The following COX10 variants were observed in gnomAD, a reference collection of about 807,000 sequenced individuals.
COX10 encodes protoheme IX farnesyltransferase, mitochondrial.
In COX10, 27 loss-of-function variants were observed where a neutral mutation model predicts 37.3. The ratio of observed to expected loss-of-function variants is 0.72; its 90% CI spans 0.53 to 1.00. The LOEUF is 1.00. Among genes scored for constraint, COX10 ranks in the 50% least tolerant of loss-of-function variants. The pLI is 0.00. For synonymous variants in COX10, 222 were observed against 229.1 expected, an observed-to-expected ratio of 0.97 and a Z score of 0.28; for missense variants, 475 against 563.2, an observed-to-expected ratio of 0.84 and a Z score of 1.59.
rs1374200240 is a variant in COX10 at position 14,102,174 on chromosome 17, T to TA, written c.556_557insA (p.Trp186Ter). The change falls in exon 4 of 7, where the codon TGG (tryptophan) becomes TAGG (stop). Residue 186 changes from tryptophan to a stop codon, truncating the protein, a stop_gained and frameshift_variant. Coordinates refer to ENST00000261643, the MANE Select transcript of COX10 (RefSeq NM_001303.4). LOFTEE classifies it high-confidence loss of function. Reference sequence around the variant, plus strand: ...TGCATTGGCTCCGGGCCCTTTTGACTGGCCCTGTTTCCTGCTTACTTCTGT... The same window carrying TA: ...TGCATTGGCTCCGGGCCCTTTTGACTAGGCCCTGTTTCCTGCTTACTTCTGT... ...GFALAPGPFD[W>*]PCFLLTSVGT... 1.2e-6 allele frequency: 2 copies of TA among 1,613,798 alleles called. No homozygotes were observed. Among genetic ancestry groups the TA allele is most frequent in the Non-Finnish European group, 1.7e-6 (2 of 1,179,790 alleles).
intron 3 of COX10, among the ~76,000 whole-genome samples, chr17:14,100,381 C>A (rs1218361217): frequency 1.3e-5 from 2 of 152,048 alleles, no homozygotes; most frequent in Non-Finnish European, 2.9e-5. Flanking sequence ...AGCTTATATT[C>A]CAGTGAGGAG....
At chr17:14,173,142 AC>A (rs2142249515) in intron 5 of COX10, among the ~76,000 whole-genome samples, 1 of 152,348 alleles carries the variant, frequency 6.6e-6, no homozygotes, top group African/African-American at 2.4e-5. Context: ...CATTTTCAAT[AC>A]TATATTACAG....
At chr17:14,101,620 C>T (rs941351205) in intron 3 of COX10, among the ~76,000 whole-genome samples, 10 of 152,132 alleles carry the variant, frequency 6.6e-5, no homozygotes, top group Admixed American at 2.6e-4. Context: ...ATTCTCTGAC[C>T]GCTGGGACCA....
At chr17:14,139,066 G>T (rs990612355) in intron 4 of COX10, among the ~76,000 whole-genome samples, 2 of 152,136 alleles carry the variant, frequency 1.3e-5, no homozygotes, top group African/African-American at 4.8e-5. Context: ...GTTACAGTGA[G>T]GATTACATGA....
chr17:14,101,733 C>T (rs1199809056), intron 3 of COX10, among the ~76,000 whole-genome samples: 6 of 152,198 alleles, frequency 3.9e-5, no homozygotes, highest in African/African-American at 1.2e-4. Flanking sequence ...TAAGGCATAT[C>T]TGCCGTCTCC....
intron 4 of COX10, among the ~76,000 whole-genome samples, chr17:14,106,818 C>T (rs949607014): frequency 6.6e-6 from 1 of 152,042 alleles, no homozygotes; most frequent in Non-Finnish European, 1.5e-5. Flanking sequence ...GCCTGTTTTG[C>T]TGTTGGGCTG....
At chr17:14,151,628 C>T (rs967196481) in intron 4 of COX10, among the ~76,000 whole-genome samples, 5 of 151,638 alleles carry the variant, frequency 3.3e-5, no homozygotes, top group African/African-American at 1.2e-4. Context: ...AATTAGGTAA[C>T]ACCTTACAAG....
chr17:14,186,653 G>A (rs891155886), intron 5 of COX10, among the ~76,000 whole-genome samples: 5 of 151,366 alleles, frequency 3.3e-5, no homozygotes, highest in East Asian at 1.9e-4. Context: ...CAGTTGTTTC[G>A]ATTTCAGGGA....
intron 4 of COX10, among the ~76,000 whole-genome samples, chr17:14,150,347 G>A (rs1383877338): frequency 6.6e-6 from 1 of 152,168 alleles, no homozygotes; most frequent in Non-Finnish European, 1.5e-5. Flanking sequence ...GAAAGACTGA[G>A]AGGAAAACCT....
intron 4 of COX10, among the ~76,000 whole-genome samples, chr17:14,106,530 T>C (rs1376782441): frequency 6.6e-6 from 1 of 152,172 alleles, no homozygotes; most frequent in East Asian, 1.9e-4. Context: ...GTTTTCAAAA[T>C]AAAAAGTTAA....
In COX10 at chr17:14,121,728, CATAA is replaced by C. The variant is rs572944498; in HGVS notation, c.624+19492_624+19495del. Among the ~76,000 whole-genome samples the C allele has an allele frequency of 8.9e-4, 135 of 152,178 alleles. 1 individual carries two copies. Among genetic ancestry groups the C allele is most frequent in the African/African-American group, 3.1e-3 (128 of 41,494 alleles). On this transcript the variant is annotated intron_variant, in intron 4 of 6. Transcript: ENST00000261643. Reference sequence around the variant, plus strand: ...TAAATAAATGCAGTTTAATTTAGAACATAAATAAAGTGATATAGAATATCATAGA... The same window carrying C: ...TAAATAAATGCAGTTTAATTTAGAACATAAAGTGATATAGAATATCATAGA...
At chr17:14,165,036 A>G (rs1567605649) in intron 5 of COX10, among the ~76,000 whole-genome samples, 1 of 152,196 alleles carries the variant, frequency 6.6e-6, no homozygotes, top group Non-Finnish European at 1.5e-5. Flanking sequence ...TGTTAACTAC[A>G]TGTCACCCCG....
At chr17:14,140,433 A>G (rs1037489873) in intron 4 of COX10, among the ~76,000 whole-genome samples, 2 of 151,980 alleles carry the variant, frequency 1.3e-5, no homozygotes, top group African/African-American at 4.8e-5. Flanking sequence ...TTCCAATCAT[A>G]CCTGTTAACA....
intron 4 of COX10, among the ~76,000 whole-genome samples, chr17:14,145,945 G>T (rs748722936): frequency 1.3e-5 from 2 of 151,968 alleles, no homozygotes; most frequent in Non-Finnish European, 1.5e-5. Flanking sequence ...ATTGACTAAG[G>T]CTCCGTTAAT....
chr17:14,128,547 C>T (rs577944205), intron 4 of COX10, among the ~76,000 whole-genome samples: 1 of 152,198 alleles, frequency 6.6e-6, no homozygotes, highest in Admixed American at 6.5e-5. Context: ...GCTTAGGGTG[C>T]AAATTATCCA....
At chr17:14,121,814 A>C (rs1052726834) in intron 4 of COX10, among the ~76,000 whole-genome samples, 2 of 152,206 alleles carry the variant, frequency 1.3e-5, no homozygotes, top group Non-Finnish European at 2.9e-5. Flanking sequence ...TTGCAAAGGC[A>C]GTGGTGCATT....
intron 4 of COX10, among the ~76,000 whole-genome samples, chr17:14,115,410 G>A (rs1390748276): frequency 2.0e-5 from 3 of 152,152 alleles, no homozygotes; most frequent in Admixed American, 6.5e-5. Context: ...CAGAGAAAAG[G>A]GAACTCATAC....
intron 4 of COX10, among the ~76,000 whole-genome samples, chr17:14,143,417 TAAG>T (rs1361413650): frequency 6.6e-6 from 1 of 152,154 alleles, no homozygotes; most frequent in African/African-American, 2.4e-5. Flanking sequence ...ATGGAATTGA[TAAG>T]AAAGTCTTTC....
At chr17:14,134,726 T>C (rs778405717) in intron 4 of COX10, among the ~76,000 whole-genome samples, 2 of 151,610 alleles carry the variant, frequency 1.3e-5, no homozygotes, top group Non-Finnish European at 3.0e-5. Flanking sequence ...AGTGTGCCTT[T>C]TAAGGTAGTA....
Sources: gnomAD v4.1 joint callset for allele counts (sites outside exome capture counted in the v4.1 genomes callset) on GRCh38, gnomAD v4.1.1 for gene constraint, MANE v1.5 for transcripts, NCBI Gene and HGNC (gene_info 2026-07-23, HGNC 2026-07-21) for gene names.